PCDH9: variants seen among roughly 807,000 people sequenced by gnomAD.
The protein encoded by PCDH9 is protocadherin-9.
In PCDH9, 24 loss-of-function variants were observed where a neutral mutation model predicts 70.6. The ratio of observed to expected loss-of-function variants is 0.34; its 90% CI spans 0.25 to 0.48. PCDH9 has a LOEUF of 0.48. Among genes scored for constraint, PCDH9 ranks in the 20% least tolerant of loss-of-function variants. The pLI is 0.99. For missense variants in PCDH9, 1,281 were observed against 1,503.6 expected, an observed-to-expected ratio of 0.85 and a Z score of 2.45; for synonymous variants, 562 against 558.5, an observed-to-expected ratio of 1.01 and a Z score of -0.09.
intron 3 of PCDH9, among the ~76,000 whole-genome samples, chr13:66,801,823 C>T (rs1217362137): frequency 6.6e-6 from 1 of 151,734 alleles, no homozygotes; most frequent in Admixed American, 6.6e-5. Context: ...ATCTTTAGAA[C>T]ATTAAAAAAA....
At chr13:66,620,037 C>T (rs1593788977) in intron 4 of PCDH9, among the ~76,000 whole-genome samples, 1 of 152,190 alleles carries the variant, frequency 6.6e-6, no homozygotes, top group Non-Finnish European at 1.5e-5. Flanking sequence ...GAGTTAATTC[C>T]TAATCTGATT....
chr13:67,003,594 T>A (rs1192404724), intron 2 of PCDH9, among the ~76,000 whole-genome samples: 8 of 152,150 alleles, frequency 5.3e-5, no homozygotes, highest in Non-Finnish European at 1.2e-4. Flanking sequence ...ATTTCGGGAC[T>A]TTGAATGTAC....
rs561315516 is a variant in PCDH9 at position 66,345,542 on chromosome 13, A to T, written c.3341-40514T>A. On this transcript the variant is annotated intron_variant, in intron 4 of 4. Coordinates refer to ENST00000377865, the MANE Select transcript of PCDH9 (RefSeq NM_203487.3). ...TCCTGAACATTCAAAAGGGCCAGGC[A>T]ACGAGGCCCTTCAAGATGAAGGCGG... 5.9e-5 allele frequency among the ~76,000 whole-genome samples: 9 copies of T among 152,254 alleles called. No individual in the cohort carries two copies. In the South Asian group the frequency reaches 1.9e-3, roughly 32 times the overall value.
intron 3 of PCDH9, among the ~76,000 whole-genome samples, chr13:66,801,771 T>C (rs1445518478): frequency 1.3e-5 from 2 of 152,076 alleles, no homozygotes; most frequent in Non-Finnish European, 2.9e-5. Context: ...GGTTAAGATA[T>C]ATTATTAAGC....
chr13:66,589,695 T>C (rs2077014058), intron 4 of PCDH9, among the ~76,000 whole-genome samples: 1 of 152,020 alleles, frequency 6.6e-6, no homozygotes, highest in South Asian at 2.1e-4. Flanking sequence ...GATGAATCCT[T>C]CCAGGGTGGG....
At chr13:67,041,312 T>C (rs944495964) in intron 2 of PCDH9, among the ~76,000 whole-genome samples, 9 of 152,120 alleles carry the variant, frequency 5.9e-5, no homozygotes, top group Non-Finnish European at 1.2e-4. Context: ...TTTCAGACCA[T>C]AGTTCACTGC....
chr13:67,204,175 A>G (rs2089283845), intron 2 of PCDH9: 1 of 152,132 alleles, frequency 6.6e-6, no homozygotes, highest in African/African-American at 2.4e-5. Flanking sequence ...TTTAAGAGAT[A>G]AAAGTGGCCA....
chr13:66,724,080 G>A (rs966235600), intron 3 of PCDH9, among the ~76,000 whole-genome samples: 42 of 152,212 alleles, frequency 2.8e-4, no homozygotes, highest in African/African-American at 7.0e-4. Flanking sequence ...CAATTATCAA[G>A]TTGAGTGCGA....
chr13:67,218,416 A>C (rs1593640120), intron 2 of PCDH9: 1 of 152,154 alleles, frequency 6.6e-6, no homozygotes, highest in Admixed American at 6.6e-5. Context: ...ACAATTCTTC[A>C]TACCGTTTAC....
chr13:67,181,140 T>C (rs532017858), intron 2 of PCDH9, among the ~76,000 whole-genome samples: 1 of 152,200 alleles, frequency 6.6e-6, no homozygotes, highest in Non-Finnish European at 1.5e-5. Flanking sequence ...ATTAACATAA[T>C]GCTGGTTTTC....
At chr13:66,844,121 G>A (rs1188680869) in intron 3 of PCDH9, among the ~76,000 whole-genome samples, 2 of 152,040 alleles carry the variant, frequency 1.3e-5, no homozygotes, top group African/African-American at 4.8e-5. Flanking sequence ...TTAATTTAGA[G>A]AGGAAACCCT....
At chr13:66,909,946 T>C (rs1235181621) in intron 2 of PCDH9, among the ~76,000 whole-genome samples, 1 of 152,158 alleles carries the variant, frequency 6.6e-6, no homozygotes, top group Non-Finnish European at 1.5e-5. Flanking sequence ...GCAGAGCTTC[T>C]TCAACCCCAC....
chr13:66,352,312 C>CT (rs1956305764), intron 4 of PCDH9, among the ~76,000 whole-genome samples: 1 of 152,140 alleles, frequency 6.6e-6, no homozygotes, highest in African/African-American at 2.4e-5. Flanking sequence ...TTATCTGTGC[C>CT]TTTGCATGCC....
At chr13:66,892,218 A>AAT (rs533890515) in intron 3 of PCDH9, among the ~76,000 whole-genome samples, 4 of 147,138 alleles carry the variant, frequency 2.7e-5, no homozygotes, top group East Asian at 3.9e-4. Flanking sequence ...GTATATATAT[A>AAT]ATATATATAT....
intron 4 of PCDH9, among the ~76,000 whole-genome samples, chr13:66,419,288 T>C (rs1957520120): frequency 6.6e-6 from 1 of 151,950 alleles, no homozygotes; most frequent in Admixed American, 6.6e-5. Flanking sequence ...AACATCAATG[T>C]GAAATCCTCA....
chr13:66,383,155 T>C (rs1237198219), intron 4 of PCDH9, among the ~76,000 whole-genome samples: 1 of 152,188 alleles, frequency 6.6e-6, no homozygotes, highest in Non-Finnish European at 1.5e-5. Flanking sequence ...TCAACAACAC[T>C]GTCTGAATAG....
intron 3 of PCDH9, among the ~76,000 whole-genome samples, chr13:66,772,717 TCA>T (rs1161302645): frequency 6.6e-6 from 1 of 152,068 alleles, no homozygotes; most frequent in Non-Finnish European, 1.5e-5. Flanking sequence ...TATGAAAATA[TCA>T]CAGTAAATCT....
chr13:66,382,876 C>CA (rs1956871608), intron 4 of PCDH9, among the ~76,000 whole-genome samples: 1 of 151,982 alleles, frequency 6.6e-6, no homozygotes, highest in Non-Finnish European at 1.5e-5. Flanking sequence ...ACTAAAAATA[C>CA]AAAAAATCAG....
chr13:66,692,774 G>A (rs771809791), intron 3 of PCDH9, among the ~76,000 whole-genome samples: 6 of 151,744 alleles, frequency 4.0e-5, no homozygotes, highest in African/African-American at 7.3e-5. Context: ...ATTTAGAGAC[G>A]AACTAGAAAA....
Sources: allele counts gnomAD v4.1 joint callset (sites outside exome capture counted in the v4.1 genomes callset), GRCh38; gene constraint gnomAD v4.1.1; transcripts MANE v1.5; gene names NCBI Gene and HGNC (gene_info 2026-07-23, HGNC 2026-07-21).